MDFIC2: variants seen among roughly 807,000 people sequenced by gnomAD.
MDFIC2 encodes the protein MyoD family inhibitor domain containing 2.
chr3:70,283,156 G>A (rs1280261582), intron 2 of MDFIC2, among the ~76,000 whole-genome samples: 1 of 152,124 alleles, frequency 6.6e-6, no homozygotes, highest in Non-Finnish European at 1.5e-5. Flanking sequence ...AGCACTAGGT[G>A]GTTGTGAGCA....
At chr3:70,301,244 T>C (rs1454433401) in intron 2 of MDFIC2, among the ~76,000 whole-genome samples, 1 of 152,122 alleles carries the variant, frequency 6.6e-6, no homozygotes, top group East Asian at 1.9e-4. Context: ...ACTGAGTCCA[T>C]TAAAAACAAA....
chr3:70,299,660 T>C (rs1422686070), intron 2 of MDFIC2, among the ~76,000 whole-genome samples: 6 of 152,136 alleles, frequency 3.9e-5, no homozygotes, highest in African/African-American at 1.4e-4. Context: ...TCATGCCTTC[T>C]CATTTGTGGA....
chr3:70,268,196 C>T (rs1469991871), intron 2 of MDFIC2, among the ~76,000 whole-genome samples: 2 of 152,096 alleles, frequency 1.3e-5, no homozygotes, highest in Non-Finnish European at 2.9e-5. Flanking sequence ...TCCGGCTGGG[C>T]GCGGTAGCTC....
chr3:70,226,374 G>A (rs897436749), intron 2 of MDFIC2, among the ~76,000 whole-genome samples: 2 of 152,092 alleles, frequency 1.3e-5, no homozygotes, highest in Admixed American at 6.6e-5. Flanking sequence ...CAAAGCCCAG[G>A]AATTTCCTAT....
At chr3:70,262,495 G>C (rs555286140) in intron 2 of MDFIC2, among the ~76,000 whole-genome samples, 23 of 152,294 alleles carry the variant, frequency 1.5e-4, no homozygotes, top group African/African-American at 5.5e-4. Flanking sequence ...TGTTTATTAT[G>C]GGGATGGCTT....
intron 2 of MDFIC2, among the ~76,000 whole-genome samples, chr3:70,307,210 GTTA>G (rs1400372601): frequency 1.3e-5 from 2 of 152,102 alleles, no homozygotes; most frequent in South Asian, 2.1e-4. Context: ...TGGTGGTGTT[GTTA>G]TTGTTGTTGT....
At chr3:70,249,376 C>A (rs1015405004) in intron 2 of MDFIC2, among the ~76,000 whole-genome samples, 1 of 152,096 alleles carries the variant, frequency 6.6e-6, no homozygotes, top group African/African-American at 2.4e-5. Context: ...TCATATTGTG[C>A]AAATATGAGC....
chr3:70,248,471 G>A (rs1422367917), intron 2 of MDFIC2, among the ~76,000 whole-genome samples: 3 of 152,024 alleles, frequency 2.0e-5, no homozygotes, highest in Non-Finnish European at 4.4e-5. Flanking sequence ...AGAATGCCAG[G>A]AAATGGAACT....
At chr3:70,298,486 A>G (rs748522155) in intron 2 of MDFIC2, among the ~76,000 whole-genome samples, 30 of 152,142 alleles carry the variant, frequency 2.0e-4, no homozygotes, top group Non-Finnish European at 4.4e-4. Flanking sequence ...TCTCATAAAT[A>G]TGAATGAAGC....
intron 2 of MDFIC2, among the ~76,000 whole-genome samples, chr3:70,260,566 G>C (rs182529196): frequency 6.6e-6 from 1 of 151,928 alleles, no homozygotes; most frequent in Non-Finnish European, 1.5e-5. Context: ...ATGGGAGGAA[G>C]GGAAGGTCTG....
chr3:70,237,758 G>T lies in MDFIC2; in HGVS notation c.89-30968C>A, dbSNP rs1454452463. 2.0e-5 allele frequency among the ~76,000 whole-genome samples: 3 copies of T among 152,304 alleles called. No homozygotes were observed. In the South Asian group the frequency reaches 6.2e-4, roughly 32 times the overall value. On this transcript the variant is annotated intron_variant, in intron 2 of 3. Coordinates refer to ENST00000567252, the MANE Select transcript of MDFIC2 (RefSeq NM_001364677.1). ...TACCTCAATGGGCTTTGAATAATGT[G>T]CATGTGTTATGATTTGTATGCCGGT...
At chr3:70,200,697 G>A (rs959414556) in intron 3 of MDFIC2, among the ~76,000 whole-genome samples, 2 of 152,156 alleles carry the variant, frequency 1.3e-5, no homozygotes, top group African/African-American at 4.8e-5. Flanking sequence ...GTTGCAAGAG[G>A]CAAGAAAGCC....
intron 2 of MDFIC2, among the ~76,000 whole-genome samples, chr3:70,237,547 T>C (rs141987631): frequency 6.6e-6 from 1 of 152,366 alleles, no homozygotes; most frequent in African/African-American, 2.4e-5. Context: ...TTACACCTCT[T>C]ACTCTTCTTC....
intron 2 of MDFIC2, among the ~76,000 whole-genome samples, chr3:70,227,476 G>C (rs899488250): frequency 1.3e-5 from 2 of 152,180 alleles, no homozygotes; most frequent in African/African-American, 4.8e-5. Context: ...GCAATATGGA[G>C]GTCATTGGAG....
At chr3:70,267,718 A>C (rs1701933390) in intron 2 of MDFIC2, among the ~76,000 whole-genome samples, 1 of 151,898 alleles carries the variant, frequency 6.6e-6, no homozygotes, top group South Asian at 2.1e-4. Flanking sequence ...GCCCAGCCTA[A>C]AATAGCATTT....
chr3:70,236,208 C>G (rs1042308766), intron 2 of MDFIC2, among the ~76,000 whole-genome samples: 10 of 152,280 alleles, frequency 6.6e-5, no homozygotes, highest in Admixed American at 5.2e-4. Flanking sequence ...GACTTGGCCC[C>G]TTGTGATCTA....
At chr3:70,200,950 T>A (rs535244775) in intron 3 of MDFIC2, among the ~76,000 whole-genome samples, 1 of 151,584 alleles carries the variant, frequency 6.6e-6, no homozygotes, top group East Asian at 2.0e-4. Context: ...TCTACAGCCC[T>A]CTATACTTTT....
chr3:70,298,357 C>G (rs1467308778), intron 2 of MDFIC2, among the ~76,000 whole-genome samples: 1 of 152,050 alleles, frequency 6.6e-6, no homozygotes, highest in Non-Finnish European at 1.5e-5. Flanking sequence ...CTCTCCTCCA[C>G]CAGCCATGTT....
At chr3:70,285,053 T>A (rs1002339502) in intron 2 of MDFIC2, among the ~76,000 whole-genome samples, 2 of 149,082 alleles carry the variant, frequency 1.3e-5, no homozygotes, top group Admixed American at 1.3e-4. Flanking sequence ...TTTTTTTAAC[T>A]TTTTTTTTCT....
Sources: gnomAD v4.1 joint callset for allele counts (sites outside exome capture counted in the v4.1 genomes callset) on GRCh38, gnomAD v4.1.1 for gene constraint, MANE v1.5 for transcripts, NCBI Gene and HGNC (gene_info 2026-07-23, HGNC 2026-07-21) for gene names.